Variants in MTIF2 observed in about 807,000 individuals in gnomAD.
MTIF2 encodes translation initiation factor IF-2, mitochondrial.
A neutral mutation model predicts 83.5 loss-of-function variants in MTIF2; 71 were observed. The observed-to-expected ratio is 0.85, with a 90% confidence interval of 0.70 to 1.04. The LOEUF (loss-of-function observed/expected upper bound fraction) is 1.04, where lower values mean the gene tolerates loss of function less well. Ranked by LOEUF, MTIF2 falls within the 50% of genes least tolerant of loss-of-function variation. The probability of loss-of-function intolerance (pLI) is 0.00; values close to 1 mark genes in which losing one functional copy is unlikely to be tolerated. For missense variants in MTIF2, 957 were observed against 846.5 expected, an observed-to-expected ratio of 1.13 and a Z score of -1.62; for synonymous variants, 319 against 287.1, an observed-to-expected ratio of 1.11 and a Z score of -1.12.
intron 2 of MTIF2, among the ~76,000 whole-genome samples, chr2:55,268,261 A>G (rs1678585391): frequency 1.3e-5 from 2 of 152,186 alleles, no homozygotes; most frequent in African/African-American, 4.8e-5. Flanking sequence ...AAGAAAAAAA[A>G]AAGAAGATTT....
intron 15 of MTIF2, among the ~76,000 whole-genome samples, chr2:55,237,021 A>C (rs1378562112): frequency 6.6e-6 from 1 of 152,210 alleles, no homozygotes; most frequent in Admixed American, 6.5e-5. Context: ...ATTTGTAACA[A>C]AATAACCTAA....
intron 10 of MTIF2, among the ~76,000 whole-genome samples, chr2:55,245,969 G>A (rs1676667153): frequency 6.6e-6 from 1 of 152,078 alleles, no homozygotes; most frequent in African/African-American, 2.4e-5. Context: ...ATATTAATGG[G>A]TAAAGTATAA....
intron 5 of MTIF2, among the ~76,000 whole-genome samples, chr2:55,255,118 AATTG>A (rs760703826): frequency 6.6e-5 from 10 of 151,956 alleles, no homozygotes; most frequent in Non-Finnish European, 1.5e-4. Context: ...TATTTATAAT[AATTG>A]ATTGTAGTCT....
chr2:55,255,704 GA>G (rs1195822656), intron 5 of MTIF2, among the ~76,000 whole-genome samples: 1 of 151,282 alleles, frequency 6.6e-6, no homozygotes, highest in Non-Finnish European at 1.5e-5. Flanking sequence ...ATAAAAATGT[GA>G]AAAAAAGTGA....
At chr2:55,261,408 C>T (rs1049855911) in intron 5 of MTIF2, among the ~76,000 whole-genome samples, 2 of 150,858 alleles carry the variant, frequency 1.3e-5, no homozygotes, top group African/African-American at 4.9e-5. Flanking sequence ...GAATTTGAGA[C>T]AAGCCTGGCC....
Position 55,246,195 on chromosome 2 carries a change from T to C in MTIF2, c.1106+142A>G. ...TGTGTTCTTGTATTAGTACAAACAA[T>C]AAAATACTTTTTAAAACAAATGCTT... On this transcript the variant is annotated intron_variant, in intron 10 of 15. Transcript: ENST00000263629. 20 of 1,019,474 alleles carry C rather than the reference T, an allele frequency of 2.0e-5. No individual in the cohort carries two copies. The South Asian group carries it at 2.1e-4, about 11-fold the overall frequency. The allele number at this position is 1,019,474 out of a possible 1,614,324, so 63.2% of individuals were successfully genotyped here.
chr2:55,247,344 G>A (rs189433380), intron 9 of MTIF2, among the ~76,000 whole-genome samples: 1 of 152,288 alleles, frequency 6.6e-6, no homozygotes, highest in East Asian at 1.9e-4. Context: ...ATCACTTGAG[G>A]TTAGGAGTTC....
At chr2:55,246,503 T>C (rs781187670) in intron 9 of MTIF2, 42 bp from the exon 10 acceptor site, 3 of 1,558,002 alleles carry the variant, frequency 1.9e-6, no homozygotes, top group South Asian at 2.2e-5. Flanking sequence ...TTAATAAATA[T>C]TATCTGTAAA....
chr2:55,266,656 T>C (rs1177411489), intron 3 of MTIF2: 2 of 149,420 alleles, frequency 1.3e-5, no homozygotes, highest in African/African-American at 2.4e-5. Context: ...AGATAGTCTT[T>C]AAAATTGTTC....
rs1268689910 is a variant in MTIF2, at chr2:55,243,530, G to GAT, written c.1448_1449dup (p.Leu484IlefsTer13). ...AGAATTGATCTCTTCTTCCACAGTA[G>GAT]ATGGCCATACTTCTCACGGGCTTTC... On this transcript the variant is annotated frameshift_variant, in exon 12 of 16. Transcript: ENST00000263629. LOFTEE classifies it high-confidence loss of function. 4 of 1,613,952 alleles carry GAT rather than the reference G, an allele frequency of 2.5e-6. No individual in the cohort carries two copies. The Admixed American group carries it at 6.7e-5, about 27-fold the overall frequency.
At chr2:55,249,203 G>A (rs1208785777) in intron 9 of MTIF2, among the ~76,000 whole-genome samples, 192 bp downstream of exon 9, 1 of 152,070 alleles carries the variant, frequency 6.6e-6, no homozygotes, top group Non-Finnish European at 1.5e-5. Context: ...CTGATTAGCT[G>A]GTGACTGACC....
Position 55,254,704 on chromosome 2 carries a change from C to G in MTIF2, c.453G>C (p.Trp151Cys). ...TGACTTTGTCCTGTTTTAATTTACT[C>G]CACTTTAACTTCATCCCTGCCTTCG... Reference protein sequence around the residue: ...VITKAGMKLKWSKLKQDKVRK... With the variant: ...VITKAGMKLKCSKLKQDKVRK... Residue 151 changes from tryptophan to cysteine, a missense_variant, in exon 6 of 16, where the codon TGG (tryptophan) becomes TGC (cysteine). Trp to Cys is a radical substitution (Grantham distance 215). Transcript: ENST00000263629. 4.4e-6 allele frequency: 7 copies of G among 1,608,576 alleles called. No homozygotes were observed. The highest frequency in any genetic ancestry group is 5.9e-6 in the Non-Finnish European group (7 of 1,177,848).
At chr2:55,268,323 C>A (rs1169064841) in intron 2 of MTIF2, among the ~76,000 whole-genome samples, 1 of 152,046 alleles carries the variant, frequency 6.6e-6, no homozygotes, top group African/African-American at 2.4e-5. Flanking sequence ...AAGAATGGCA[C>A]ATGGAAAATA....
chr2:55,245,278 T>C (rs984996678), intron 10 of MTIF2, among the ~76,000 whole-genome samples: 1 of 151,828 alleles, frequency 6.6e-6, no homozygotes, highest in Non-Finnish European at 1.5e-5. Flanking sequence ...TCCCAGCACT[T>C]TGGGAGGCTG....
chr2:55,241,375 G>A (rs1293175426), intron 13 of MTIF2, among the ~76,000 whole-genome samples: 4 of 145,682 alleles, frequency 2.7e-5, no homozygotes, highest in East Asian at 2.1e-4. Context: ...CCAAGATTAC[G>A]CCACTGCACT....
chr2:55,241,562 G>A (rs927754199), intron 13 of MTIF2, among the ~76,000 whole-genome samples: 1 of 152,052 alleles, frequency 6.6e-6, no homozygotes, highest in Non-Finnish European at 1.5e-5. Flanking sequence ...AGCCATTCAG[G>A]CCGGGTGCAG....
At chr2:55,267,026 T>C (rs1276516069) in intron 3 of MTIF2, among the ~76,000 whole-genome samples, 1 of 152,080 alleles carries the variant, frequency 6.6e-6, no homozygotes, top group Non-Finnish European at 1.5e-5. Flanking sequence ...TGTCTCAGCC[T>C]CCCAAAGTGC....
At chr2:55,237,146 CAATT>C (rs1675895970) in intron 15 of MTIF2, 138 bp downstream of exon 15, 3 of 976,698 alleles carry the variant, frequency 3.1e-6, no homozygotes, top group Non-Finnish European at 4.5e-6. Context: ...CAACTACAGA[CAATT>C]TAGGGGTTTC....
At chr2:55,244,267 A>C (rs760643171) in intron 10 of MTIF2, 34 bp from the exon 11 acceptor site, 3 of 1,494,822 alleles carry the variant, frequency 2.0e-6, no homozygotes, top group South Asian at 2.3e-5. Flanking sequence ...TTTCAATGTC[A>C]TAATGTACTT....
Sources: gnomAD v4.1 joint callset for allele counts (sites outside exome capture counted in the v4.1 genomes callset) on GRCh38, gnomAD v4.1.1 for gene constraint, MANE v1.5 for transcripts, NCBI Gene and HGNC (gene_info 2026-07-23, HGNC 2026-07-21) for gene names.